The following CAMTA1 variants were observed in gnomAD, a reference collection of about 807,000 sequenced individuals.
CAMTA1 encodes calmodulin binding transcription activator 1, also known as calmodulin-binding transcription activator 1.
Under a neutral mutation model 170.9 loss-of-function variants are expected in CAMTA1, and 27 were observed. The ratio of observed to expected loss-of-function variants is 0.16; its 90% CI spans 0.12 to 0.22. The LOEUF (loss-of-function observed/expected upper bound fraction) is 0.22, where lower values mean the gene tolerates loss of function less well. Among genes scored for constraint, CAMTA1 ranks in the 10% least tolerant of loss-of-function variants. The pLI is 1.00. For synonymous variants in CAMTA1, 833 were observed against 891.5 expected (o/e 0.93, Z 1.17); for missense variants, 1,619 against 2,217.2 (o/e 0.73, Z 5.42).
chr1:7,097,395 C>T (rs1195832346), intron 4 of CAMTA1, among the ~76,000 whole-genome samples: 1 of 152,198 alleles, frequency 6.6e-6, no homozygotes, highest in African/African-American at 2.4e-5. Context: ...GGTTCTTTGT[C>T]CTAGACAGCC....
intron 3 of CAMTA1, among the ~76,000 whole-genome samples, chr1:6,854,762 CAT>C (rs1228929838): frequency 3.3e-5 from 5 of 152,124 alleles, no homozygotes; most frequent in South Asian, 2.1e-4. Flanking sequence ...GCAGAAAAAT[CAT>C]GTGATAATGT....
chr1:6,991,144 A>G (rs1423759673), intron 3 of CAMTA1, among the ~76,000 whole-genome samples: 1 of 152,018 alleles, frequency 6.6e-6, no homozygotes, highest in African/African-American at 2.4e-5. Flanking sequence ...CCATTCATTC[A>G]TGGACATCTG....
At chr1:7,722,693 T>G (rs1256290967) in intron 11 of CAMTA1, among the ~76,000 whole-genome samples, 1 of 152,180 alleles carries the variant, frequency 6.6e-6, no homozygotes, top group Non-Finnish European at 1.5e-5. Context: ...TTTTTTTTAG[T>G]TTAATATATC....
intron 3 of CAMTA1, among the ~76,000 whole-genome samples, chr1:7,017,890 T>C (rs1700780263): frequency 1.3e-5 from 2 of 152,106 alleles, no homozygotes; most frequent in African/African-American, 4.8e-5. Context: ...TGGTGTGGAA[T>C]TGGGTACAAC....
At chr1:7,706,993 T>G (rs1249633015) in intron 11 of CAMTA1, among the ~76,000 whole-genome samples, 1 of 151,424 alleles carries the variant, frequency 6.6e-6, no homozygotes, top group African/African-American at 2.4e-5. Context: ...TTCAAGTGAT[T>G]CTCCTGCCTC....
intron 4 of CAMTA1, among the ~76,000 whole-genome samples, chr1:7,117,383 C>T (rs950429520): frequency 1.3e-5 from 2 of 151,030 alleles, no homozygotes; most frequent in East Asian, 2.1e-4. Context: ...ATTCTCAGTA[C>T]ACATAGAACT....
At chr1:7,308,436 GC>G (rs1675934165) in intron 5 of CAMTA1, among the ~76,000 whole-genome samples, 1 of 151,904 alleles carries the variant, frequency 6.6e-6, no homozygotes, top group Non-Finnish European at 1.5e-5. Context: ...TAAGAAGGAT[GC>G]TATATTATTG....
intron 3 of CAMTA1, among the ~76,000 whole-genome samples, chr1:6,869,260 A>G (rs1667696796): frequency 6.6e-6 from 1 of 152,214 alleles, no homozygotes; most frequent in Admixed American, 6.5e-5. Context: ...GCAGGAAGAC[A>G]GGAGGTTCTG....
chr1:7,390,804 C>A (rs1436824924), intron 5 of CAMTA1, among the ~76,000 whole-genome samples: 1 of 152,264 alleles, frequency 6.6e-6, no homozygotes, highest in Non-Finnish European at 1.5e-5. Context: ...CTGTGCTCTG[C>A]ACCGCCCGCC....
chr1:7,333,894 A>C lies in CAMTA1; in HGVS notation c.438+84268A>C, dbSNP rs2083188900. 6.6e-6 allele frequency among the ~76,000 whole-genome samples: 1 copy of C among 152,090 alleles called. No individual in the cohort carries two copies. Among genetic ancestry groups the C allele is most frequent in the Admixed American group, 6.5e-5 (1 of 15,272 alleles). On this transcript the variant is annotated intron_variant, in intron 5 of 22. Transcript: ENST00000303635. This position sits in a 1 kb window ranked among gnomAD's most constrained non-coding sequence, Gnocchi z 4.4. ...ATGGAGGAATTTTTTTTTATTACTT[A>C]CATTTATCAAGGAAAGAGGTGGGGT... is the stretch of plus-strand genomic sequence containing the variant.
At chr1:7,527,846 C>A (rs527597629) in intron 6 of CAMTA1, among the ~76,000 whole-genome samples, 15 of 152,226 alleles carry the variant, frequency 9.9e-5, no homozygotes, top group Non-Finnish European at 1.8e-4. Context: ...CCTATCTGTT[C>A]TCTCCCAGCC....
chr1:7,155,537 A>C, intron 4 of CAMTA1, among the ~76,000 whole-genome samples: 1 of 147,460 alleles, frequency 6.8e-6, no homozygotes. Context: ...TTTCCAAGAG[A>C]TCCTCCCACC....
chr1:7,714,392 A>T (rs1208190459), intron 11 of CAMTA1, among the ~76,000 whole-genome samples: 1 of 152,256 alleles, frequency 6.6e-6, no homozygotes, highest in Non-Finnish European at 1.5e-5. Flanking sequence ...AAGTTGGACC[A>T]CATTGGACCT....
At chr1:6,807,380 T>A (rs1301398143) in intron 1 of CAMTA1, among the ~76,000 whole-genome samples, 1 of 152,192 alleles carries the variant, frequency 6.6e-6, no homozygotes, top group Non-Finnish European at 1.5e-5. Context: ...TTTTTTAAAT[T>A]TCTGTAGCCA....
chr1:6,891,929 A>G lies in CAMTA1; in HGVS notation c.234+66719A>G, dbSNP rs554104032. ...CGTCCCTCCCTTTTCATGAACCTGA[A>G]TGTTGTAAGGGAGGCCAAGGAGTGG... On this transcript the variant is annotated intron_variant, in intron 3 of 22. Coordinates refer to ENST00000303635, the MANE Select transcript of CAMTA1 (RefSeq NM_015215.4). 1.2e-3 allele frequency among the ~76,000 whole-genome samples: 190 copies of G among 152,262 alleles called. 5 individuals carry two copies. In the South Asian group the frequency reaches 0.039, roughly 31 times the overall value.
intron 5 of CAMTA1, among the ~76,000 whole-genome samples, chr1:7,260,581 A>G (rs1289051020): frequency 6.6e-6 from 1 of 152,176 alleles, no homozygotes; most frequent in Admixed American, 6.5e-5. Flanking sequence ...TCTAGTGGGG[A>G]TGGCTGAGCC....
In CAMTA1 at chr1:7,510,273, G is replaced by T. The variant is rs190845837; in HGVS notation, c.510+42372G>T. 5.0e-4 allele frequency among the ~76,000 whole-genome samples: 72 copies of T among 144,308 alleles called. 8 individuals are homozygous for T. The highest frequency in any genetic ancestry group is 1.4e-3 in the Admixed American group (20 of 14,406). 94.7% of individuals were successfully genotyped at this position (144,308 alleles called of 152,430 possible). On this transcript the variant is annotated intron_variant, in intron 6 of 22. Coordinates refer to ENST00000303635, the MANE Select transcript of CAMTA1 (RefSeq NM_015215.4). ...TTGTAAAAAATATGCAAATGCCTGG[G>T]CCCCACCCCCGGGAATTCTGGGTGC...
At chr1:7,348,416 T>C (rs1364635445) in intron 5 of CAMTA1, among the ~76,000 whole-genome samples, 1 of 152,130 alleles carries the variant, frequency 6.6e-6, no homozygotes, top group East Asian at 1.9e-4. Context: ...CAGGCCAACC[T>C]TGGATTGATG....
At chr1:7,355,841 T>TA (rs2085071104) in intron 5 of CAMTA1, among the ~76,000 whole-genome samples, 1 of 100 alleles carries the variant, frequency 0.01, no homozygotes, top group Non-Finnish European at 0.023. Context: ...TTCTTGGCGT[T>TA]GCACATCTGT....
Sources: allele counts gnomAD v4.1 joint callset (sites outside exome capture counted in the v4.1 genomes callset), GRCh38; gene constraint gnomAD v4.1.1; non-coding constraint Gnocchi (gnomAD v3.1); transcripts MANE v1.5; gene names NCBI Gene and HGNC (gene_info 2026-07-23, HGNC 2026-07-21).